Variants in EIF2B1 observed in about 807,000 individuals in gnomAD.
EIF2B1 encodes eukaryotic translation initiation factor 2B subunit alpha.
A neutral mutation model predicts 36.8 loss-of-function variants in EIF2B1; 30 were observed. The ratio of observed to expected loss-of-function variants is 0.81; its 90% CI spans 0.61 to 1.10. The LOEUF is 1.10. Ranked by LOEUF, EIF2B1 falls within the 50% of genes least tolerant of loss-of-function variation. The pLI is 0.00. For missense variants in EIF2B1, 271 were observed against 374.8 expected, an observed-to-expected ratio of 0.72 and a Z score of 2.29; for synonymous variants, 139 against 142.2, an observed-to-expected ratio of 0.98 and a Z score of 0.16.
rs1463005408 is a variant in EIF2B1, at chr12:123,622,698, C to G, written c.691G>C (p.Glu231Gln). ...AQNKPFYVVA[E>Q]SFKFVRLFPL... ...AAGAGCCGGACAAACTTGAAACTTT[C>G]TGCAACCACATAGAAAGGTTTGTTC... is the stretch of plus-strand genomic sequence containing the variant. Residue 231 changes from glutamate to glutamine, a missense_variant, in exon 8 of 9, where the codon GAA becomes CAA. Coordinates refer to ENST00000424014, the MANE Select transcript of EIF2B1 (RefSeq NM_001414.4). 6.2e-7 allele frequency: 1 copy of G among 1,614,114 alleles called. No individual in the cohort carries two copies. Among genetic ancestry groups the G allele is most frequent in the African/African-American group, 1.3e-5 (1 of 74,954 alleles).
chr12:123,624,561 A>G (rs116048436), intron 7 of EIF2B1, among the ~76,000 whole-genome samples: 1,567 of 152,268 alleles, frequency 0.01, 31 homozygotes, highest in African/African-American at 0.036. Flanking sequence ...CACCTGACCA[A>G]ATTACATTGT....
chr12:123,631,961 C>G (rs971970468), intron 2 of EIF2B1, among the ~76,000 whole-genome samples: 2 of 140,686 alleles, frequency 1.4e-5, no homozygotes, highest in African/African-American at 5.4e-5. Context: ...GAGACAAGAG[C>G]AAAACTCTGT....
At chr12:123,624,718 G>T in intron 7 of EIF2B1, 69 bp downstream of exon 7, 2 of 1,288,800 alleles carry the variant, frequency 1.6e-6, no homozygotes, top group Non-Finnish European at 2.3e-6. Context: ...CAACACTGCT[G>T]TGGTGTCCTA....
At chr12:123,633,038 T>C (rs968733731) in intron 1 of EIF2B1, among the ~76,000 whole-genome samples, 10 of 151,750 alleles carry the variant, frequency 6.6e-5, no homozygotes, top group Non-Finnish European at 1.3e-4. Flanking sequence ...TCAGCCTCTT[T>C]GGTCCTAAAA....
In EIF2B1 at chr12:123,626,495, T is replaced by C; in HGVS notation, c.483-2A>G. 1 of 1,614,136 alleles carries C rather than the reference T, an allele frequency of 6.2e-7. No homozygotes were observed. ...CAGAGGGCTTTGGCCATTTTCTTACTGAAGATGACATTTTGAGAACGTTAG... is the reference window on the plus strand; with the variant it reads ...CAGAGGGCTTTGGCCATTTTCTTACCGAAGATGACATTTTGAGAACGTTAG... On this transcript the variant is annotated splice_acceptor_variant, in intron 5 of 8. Transcript: ENST00000424014. LOFTEE classifies it high-confidence loss of function.
At position 123,631,747 on chromosome 12, in the gene EIF2B1, C is replaced by T. The variant is rs1955189753; in HGVS notation, c.115+598G>A. 3.3e-5 allele frequency among the ~76,000 whole-genome samples: 5 copies of T among 151,242 alleles called. No individual in the cohort carries two copies. The South Asian group carries it at 1.0e-3, about 31-fold the overall frequency. On this transcript the variant is annotated intron_variant, in intron 2 of 8. Coordinates refer to ENST00000424014, the MANE Select transcript of EIF2B1 (RefSeq NM_001414.4). ...GCATGAACCTGGGAAGCGGAGCCTG[C>T]AGTGAGCCAAGATGGCACCACTGCA...
rs1955058414 is a variant in EIF2B1, at chr12:123,620,583, TATATATATATATATA to T, written c.*1158_*1172del. On this transcript the variant is annotated 3_prime_UTR_variant, in exon 9 of 9. Coordinates refer to ENST00000424014, the MANE Select transcript of EIF2B1 (RefSeq NM_001414.4). Reference sequence around the variant, plus strand: ...CACATATAGACATATGTACATATTATATATATATATATATATATATATATATATATATATATATAT... The same window carrying T: ...CACATATAGACATATGTACATATTATTATATATATATATATATATATATAT... 5 of 25,456 alleles carry T rather than the reference TATATATATATATATA, an allele frequency of 2.0e-4. No homozygotes were observed. Among genetic ancestry groups the T allele is most frequent in the African/African-American group, 6.6e-4 (5 of 7,558 alleles). 1.6% of individuals were successfully genotyped at this position (25,456 alleles called of 1,614,324 possible).
Position 123,633,667 on chromosome 12 carries a change from C to G in EIF2B1, c.-110G>C. ...CAGTCTGACAGCGCGCTGCACACCT[C>G]CGCACCCCACTTCCGGCGCACTTCC... On this transcript the variant is annotated 5_prime_UTR_variant, in exon 1 of 9. Coordinates refer to ENST00000424014, the MANE Select transcript of EIF2B1 (RefSeq NM_001414.4). 2 of 1,535,522 alleles carry G rather than the reference C, an allele frequency of 1.3e-6. No individual in the cohort carries two copies. The highest frequency in any genetic ancestry group is 2.2e-5 in the South Asian group (2 of 89,586).
At position 123,630,321 on chromosome 12, in the gene EIF2B1, G is replaced by T; in HGVS notation, c.253-36C>A. On this transcript the variant is annotated intron_variant, in intron 3 of 8. Coordinates refer to ENST00000424014, the MANE Select transcript of EIF2B1 (RefSeq NM_001414.4). The surrounding 1 kb of genome is among the most constrained non-coding windows in gnomAD (Gnocchi z 4.6). ...AAGAGCAAACTGAGGGGACAGGGAA[G>T]ATCCAGTTAATGCTGAGAATGTCTG... is the stretch of plus-strand genomic sequence containing the variant. The T allele has an allele frequency of 6.2e-7, 1 of 1,614,022 alleles. No individual in the cohort carries two copies. The highest frequency in any genetic ancestry group is 8.5e-7 in the Non-Finnish European group (1 of 1,179,864).
chr12:123,620,580 TTATATATATATATATATATA>T lies in EIF2B1; in HGVS notation c.*1156_*1175del, dbSNP rs68169681. 424 of 65,356 alleles carry T rather than the reference TTATATATATATATATATATA, an allele frequency of 6.5e-3. 13 individuals are homozygous for T. Among genetic ancestry groups the T allele is most frequent in the African/African-American group, 0.022 (336 of 15,562 alleles). 4.0% of individuals were successfully genotyped at this position (65,356 alleles called of 1,614,324 possible). On this transcript the variant is annotated 3_prime_UTR_variant, in exon 9 of 9. Coordinates refer to ENST00000424014, the MANE Select transcript of EIF2B1 (RefSeq NM_001414.4). ...GGTCACATATAGACATATGTACATATTATATATATATATATATATATATATATATATATATATATATATAT... is the reference window on the plus strand; with the variant it reads ...GGTCACATATAGACATATGTACATATTATATATATATATATATATATATAT...
chr12:123,633,414 G>T (rs895880841), intron 1 of EIF2B1, 131 bp downstream of exon 1: 1 of 1,411,018 alleles, frequency 7.1e-7, no homozygotes, highest in Non-Finnish European at 1.0e-6. Context: ...TGTGACTCTG[G>T]AAACACAACC....
chr12:123,630,061 C>T lies in EIF2B1; in HGVS notation c.369+108G>A. 1.1e-6 allele frequency: 1 copy of T among 921,262 alleles called. No homozygotes were observed. Among genetic ancestry groups the T allele is most frequent in the Admixed American group, 1.7e-5 (1 of 58,796 alleles). 57.1% of individuals were successfully genotyped at this position (921,262 alleles called of 1,614,324 possible). The stretch of plus-strand genomic sequence containing the variant: ...AAAGCTGCACAGACAGGTTAAGTTA[C>T]TTGTTCAAGTCTCCACAGCAAGTGA... On this transcript the variant is annotated intron_variant, in intron 4 of 8. Transcript: ENST00000424014. This position sits in a 1 kb window ranked among gnomAD's most constrained non-coding sequence, Gnocchi z 4.6.
At chr12:123,625,908 A>G (rs1955144833) in intron 6 of EIF2B1, 2 of 172,828 alleles carry the variant, frequency 1.2e-5, no homozygotes, top group Admixed American at 5.5e-5. Flanking sequence ...AGGCGGGCAG[A>G]TCACCTGAGT....
chr12:123,632,319 G>T, intron 2 of EIF2B1, 26 bp downstream of exon 2: 3 of 1,374,322 alleles, frequency 2.2e-6, no homozygotes, highest in Non-Finnish European at 3.1e-6. Context: ...AAGTCCCAGA[G>T]TGTTAACAGA....
At position 123,620,576 on chromosome 12, in the gene EIF2B1, CATATTATATATAT is replaced by C. The variant is rs1555284548; in HGVS notation, c.*1167_*1179del. 1 of 59,646 alleles carries C rather than the reference CATATTATATATAT, an allele frequency of 1.7e-5. No homozygotes were observed. The highest frequency in any genetic ancestry group is 6.2e-5 in the African/African-American group (1 of 16,146). The allele number at this position is 59,646 out of a possible 1,614,324, so 3.7% of individuals were successfully genotyped here. ...GATGGGTCACATATAGACATATGTA[CATATTATATATAT>C]ATATATATATATATATATATATATA... On this transcript the variant is annotated 3_prime_UTR_variant, in exon 9 of 9. Coordinates refer to ENST00000424014, the MANE Select transcript of EIF2B1 (RefSeq NM_001414.4).
Position 123,630,668 on chromosome 12 carries a change from G to T in EIF2B1, c.116-135C>A. 1.6e-6 allele frequency: 2 copies of T among 1,242,268 alleles called. No individual in the cohort carries two copies. The highest frequency in any genetic ancestry group is 2.3e-6 in the Non-Finnish European group (2 of 874,604). The allele number at this position is 1,242,268 out of a possible 1,614,324, so 77.0% of individuals were successfully genotyped here. A position where few individuals can be genotyped will look rare whatever the true frequency, so the allele number is the denominator to read the frequency against. The stretch of plus-strand genomic sequence containing the variant: ...ACCAGGCACTATTCTAGATGCTAGG[G>T]ATACATCAGTGAACAAGACAGGTAG... On this transcript the variant is annotated intron_variant, in intron 2 of 8. Coordinates refer to ENST00000424014, the MANE Select transcript of EIF2B1 (RefSeq NM_001414.4). The surrounding 1 kb of genome is among the most constrained non-coding windows in gnomAD (Gnocchi z 4.6).
chr12:123,622,686 A>G lies in EIF2B1; in HGVS notation c.703T>C (p.Phe235Leu). ...PFYVVAESFK[F>L]VRLFPLNQQD... The stretch of plus-strand genomic sequence containing the variant: ...TGGTTTAGTGGAAAGAGCCGGACAA[A>G]CTTGAAACTTTCTGCAACCACATAG... Residue 235 changes from phenylalanine (F) to leucine (L), a missense_variant, in exon 8 of 9, where the codon TTT becomes CTT. Coordinates refer to ENST00000424014, the MANE Select transcript of EIF2B1 (RefSeq NM_001414.4). The G allele has an allele frequency of 1.2e-6, 2 of 1,614,216 alleles. No homozygotes were observed. Among genetic ancestry groups the G allele is most frequent in the African/African-American group, 1.3e-5 (1 of 75,072 alleles).
chr12:123,631,676 C>T (rs570904494), intron 2 of EIF2B1, among the ~76,000 whole-genome samples: 4 of 152,214 alleles, frequency 2.6e-5, no homozygotes, highest in East Asian at 1.9e-4. Context: ...GGCATGGTGG[C>T]GGGCGCCTGT....
chr12:123,620,580 T>TATATATA lies in EIF2B1; in HGVS notation c.*1175_*1176insTATATAT, dbSNP rs1555284588. 1 of 65,350 alleles carries TATATATA rather than the reference T, an allele frequency of 1.5e-5. No homozygotes were observed. The highest frequency in any genetic ancestry group is 1.4e-3 in the East Asian group (1 of 732). The allele number at this position is 65,350 out of a possible 1,614,324, so 4.0% of individuals were successfully genotyped here. On this transcript the variant is annotated 3_prime_UTR_variant, in exon 9 of 9. Coordinates refer to ENST00000424014, the MANE Select transcript of EIF2B1 (RefSeq NM_001414.4). ...GGTCACATATAGACATATGTACATATTATATATATATATATATATATATAT... is the reference window on the plus strand; with the variant it reads ...GGTCACATATAGACATATGTACATATATATATATATATATATATATATATATATATAT...
Sources: allele counts gnomAD v4.1 joint callset (sites outside exome capture counted in the v4.1 genomes callset), GRCh38; gene constraint gnomAD v4.1.1; non-coding constraint Gnocchi (gnomAD v3.1); transcripts MANE v1.5; gene names NCBI Gene and HGNC (gene_info 2026-07-23, HGNC 2026-07-21).